SORCS3: variants seen among roughly 807,000 people sequenced by gnomAD.
The protein encoded by SORCS3 is VPS10 domain-containing receptor SorCS3.
In SORCS3, 57 loss-of-function variants were observed where a neutral mutation model predicts 146.3. The ratio of observed to expected loss-of-function variants is 0.39; its 90% CI spans 0.31 to 0.49. The LOEUF is 0.49. Ranked by LOEUF, SORCS3 falls within the 20% of genes least tolerant of loss-of-function variation. The pLI, the probability that SORCS3 is intolerant of heterozygous loss-of-function variation, is 0.92. For synonymous variants in SORCS3, 653 were observed against 618.5 expected, an observed-to-expected ratio of 1.06 and a Z score of -0.83; for missense variants, 1,341 against 1,575.5, an observed-to-expected ratio of 0.85 and a Z score of 2.52.
intron 3 of SORCS3, among the ~76,000 whole-genome samples, chr10:104,937,384 T>A (rs780264839): frequency 3.3e-5 from 5 of 152,194 alleles, no homozygotes; most frequent in Non-Finnish European, 5.9e-5. Flanking sequence ...TTAAGCAGAT[T>A]CTAGAAAATG....
chr10:105,247,179 C>G, intron 21 of SORCS3, 40 bp from the exon 22 acceptor site: 1 of 1,209,562 alleles, frequency 8.3e-7, no homozygotes, highest in South Asian at 1.3e-5. Flanking sequence ...TCTCTCTTCT[C>G]ACTCTCCCAG....
intron 2 of SORCS3, among the ~76,000 whole-genome samples, chr10:104,908,983 A>G (rs754071933): frequency 4.6e-5 from 7 of 152,154 alleles, no homozygotes; most frequent in Non-Finnish European, 1.5e-5. Context: ...TCCAGGCAGA[A>G]ATCTTGAGAA....
At chr10:105,236,993 A>G (rs1212848611) in intron 20 of SORCS3, among the ~76,000 whole-genome samples, 2 of 152,170 alleles carry the variant, frequency 1.3e-5, no homozygotes, top group Admixed American at 1.3e-4. Flanking sequence ...ATGAGAAGGC[A>G]TTTTTAAATT....
chr10:105,238,544 A>T (rs182104877), intron 20 of SORCS3, among the ~76,000 whole-genome samples: 1 of 152,256 alleles, frequency 6.6e-6, no homozygotes, highest in East Asian at 1.9e-4. Flanking sequence ...TGATAGACTA[A>T]TTCAGCCAAA....
chr10:105,091,384 T>C (rs1589628139), intron 6 of SORCS3, among the ~76,000 whole-genome samples: 1 of 71,636 alleles, frequency 1.4e-5, no homozygotes, highest in Non-Finnish European at 3.0e-5. Context: ...CCTTCCCTCC[T>C]TCCTTCCTTC....
At chr10:104,977,651 T>G (rs562470897) in intron 4 of SORCS3, among the ~76,000 whole-genome samples, 158 bp downstream of exon 4, 3 of 152,148 alleles carry the variant, frequency 2.0e-5, no homozygotes, top group Non-Finnish European at 2.9e-5. Flanking sequence ...CAACTAACTT[T>G]CCTTTCTGCT....
At chr10:105,206,375 T>C (rs1218848753) in intron 16 of SORCS3, among the ~76,000 whole-genome samples, 1 of 152,184 alleles carries the variant, frequency 6.6e-6, no homozygotes, top group African/African-American at 2.4e-5. Context: ...CCATATTAGC[T>C]TAATATAAAA....
At chr10:104,997,168 A>G (rs900699836) in intron 4 of SORCS3, among the ~76,000 whole-genome samples, 14 of 152,136 alleles carry the variant, frequency 9.2e-5, no homozygotes, top group Non-Finnish European at 1.5e-5. Flanking sequence ...AGAGTGAGGT[A>G]TTTGGGTGCT....
chr10:104,678,900 G>A (rs2015941495), intron 1 of SORCS3, among the ~76,000 whole-genome samples: 2 of 152,182 alleles, frequency 1.3e-5, no homozygotes, highest in African/African-American at 4.8e-5. Flanking sequence ...GGGAAAGCAG[G>A]ACAGGGAAGG....
At chr10:105,162,240 C>T (rs966697669) in intron 11 of SORCS3, among the ~76,000 whole-genome samples, 2 of 152,128 alleles carry the variant, frequency 1.3e-5, no homozygotes, top group Admixed American at 6.6e-5. Context: ...TTAAAACTTC[C>T]AAAAAGGGCA....
intron 2 of SORCS3, among the ~76,000 whole-genome samples, chr10:104,906,139 G>A (rs907620677): frequency 1.3e-5 from 2 of 152,176 alleles, no homozygotes; most frequent in Admixed American, 1.3e-4. Flanking sequence ...ATTTTAAAGA[G>A]AAATGATAAA....
At chr10:105,178,005 G>T in intron 13 of SORCS3, 61 bp from the exon 14 acceptor site, 1 of 1,285,328 alleles carries the variant, frequency 7.8e-7, no homozygotes. Flanking sequence ...CTGAAAAACG[G>T]TTACAGAAGA....
At chr10:105,254,221 GTA>G (rs1169220214) in intron 23 of SORCS3, among the ~76,000 whole-genome samples, 1 of 152,208 alleles carries the variant, frequency 6.6e-6, no homozygotes, top group African/African-American at 2.4e-5. Flanking sequence ...AGGGCTGGTA[GTA>G]TATGTACCTG....
chr10:104,807,306 A>T (rs1399446847), intron 1 of SORCS3, among the ~76,000 whole-genome samples: 1 of 152,166 alleles, frequency 6.6e-6, no homozygotes, highest in Admixed American at 6.5e-5. Flanking sequence ...AATATGGTAC[A>T]TTCTGTTTGG....
chr10:105,233,114 A>T (rs553811100), intron 20 of SORCS3, among the ~76,000 whole-genome samples: 3 of 142,660 alleles, frequency 2.1e-5, no homozygotes, highest in Non-Finnish European at 3.1e-5. Flanking sequence ...CTCATACTTT[A>T]AAAAAAAAAA....
chr10:105,124,885 C>T (rs962399191), intron 7 of SORCS3, among the ~76,000 whole-genome samples: 20 of 152,140 alleles, frequency 1.3e-4, no homozygotes, highest in African/African-American at 3.9e-4. Flanking sequence ...AACAGAAAGT[C>T]GGCTGTACCC....
chr10:105,259,814 T>G (rs1018569194), intron 25 of SORCS3, among the ~76,000 whole-genome samples: 1 of 152,200 alleles, frequency 6.6e-6, no homozygotes, highest in Non-Finnish European at 1.5e-5. Flanking sequence ...TCATAATAGA[T>G]GGATAAATAG....
At chr10:105,243,645 C>G (rs1195301275) in intron 20 of SORCS3, among the ~76,000 whole-genome samples, 2 of 152,128 alleles carry the variant, frequency 1.3e-5, no homozygotes, top group Non-Finnish European at 2.9e-5. Context: ...GAGGTTTGCC[C>G]TTAGTTAAGG....
At chr10:105,061,608 T>A (rs573972405) in intron 5 of SORCS3, among the ~76,000 whole-genome samples, 1 of 143,318 alleles carries the variant, frequency 7.0e-6, no homozygotes, top group South Asian at 2.3e-4. Flanking sequence ...TTTTTTTAAA[T>A]AGACCTCCAA....
Sources: allele counts gnomAD v4.1 joint callset (sites outside exome capture counted in the v4.1 genomes callset), GRCh38; gene constraint gnomAD v4.1.1; transcripts MANE v1.5; gene names NCBI Gene and HGNC (gene_info 2026-07-23, HGNC 2026-07-21).